Variants in LYPD6 observed in about 807,000 individuals in gnomAD.
The protein encoded by LYPD6 is LY6/PLAUR domain containing 6.
Under a neutral mutation model 22.7 loss-of-function variants are expected in LYPD6, and 15 were observed. The observed-to-expected ratio is 0.66, with a 90% CI of 0.44 to 1.02. The LOEUF (loss-of-function observed/expected upper bound fraction) is 1.02, where lower values mean the gene tolerates loss of function less well. Among genes scored for constraint, LYPD6 ranks in the 50% least tolerant of loss-of-function variants. The pLI is 0.00. For synonymous variants in LYPD6, 72 were observed against 77.5 expected, an observed-to-expected ratio of 0.93 and a Z score of 0.37; for missense variants, 189 against 208.4, an observed-to-expected ratio of 0.91 and a Z score of 0.57.
chr2:149,433,788 G>A (rs1185373576), intron 1 of LYPD6, among the ~76,000 whole-genome samples: 1 of 152,004 alleles, frequency 6.6e-6, no homozygotes. Context: ...CAGCCCTATG[G>A]CATTTTCCCC....
At chr2:149,432,598 C>G (rs1358590081) in intron 1 of LYPD6, among the ~76,000 whole-genome samples, 1 of 152,156 alleles carries the variant, frequency 6.6e-6, no homozygotes, top group Non-Finnish European at 1.5e-5. Flanking sequence ...ATGGGCTACA[C>G]CAAGGTGCAG....
intron 2 of LYPD6, chr2:149,439,853 T>C (rs1218610488): frequency 6.6e-6 from 1 of 152,248 alleles, no homozygotes; most frequent in African/African-American, 2.4e-5. Flanking sequence ...AAAGAATTAG[T>C]AGGGCTTCCT....
At chr2:149,426,268 A>G (rs1040960597) in intron 1 of LYPD6, among the ~76,000 whole-genome samples, 14 of 152,220 alleles carry the variant, frequency 9.2e-5, no homozygotes, top group Non-Finnish European at 7.3e-5. Context: ...TCAAAGGCCA[A>G]ATGGAAACAA....
intron 1 of LYPD6, among the ~76,000 whole-genome samples, chr2:149,363,062 G>A (rs751546302): frequency 1.3e-5 from 2 of 152,250 alleles, no homozygotes; most frequent in Admixed American, 6.5e-5. Flanking sequence ...CAGAGAGACC[G>A]TCCTGCTACT....
chr2:149,485,174 C>T, the LYPD6 span, among the ~76,000 whole-genome samples: 1 of 152,124 alleles, frequency 6.6e-6, no homozygotes, highest in East Asian at 1.9e-4. Flanking sequence ...ATGTTTACAT[C>T]TTGAGATGGA....
intron 1 of LYPD6, among the ~76,000 whole-genome samples, chr2:149,340,217 G>A (rs1173909422): frequency 6.6e-6 from 1 of 152,096 alleles, no homozygotes; most frequent in Non-Finnish European, 1.5e-5. Context: ...AGAGATAAAG[G>A]TTATTTTAAG....
At chr2:149,419,618 T>C (rs1023817855) in intron 1 of LYPD6, among the ~76,000 whole-genome samples, 1 of 152,206 alleles carries the variant, frequency 6.6e-6, no homozygotes. Context: ...TTCCTTTTGC[T>C]ACCCTTGTTA....
At chr2:149,330,318 C>T (rs1226079179), upstream of LYPD6, 1 of 151,864 alleles carries the variant, frequency 6.6e-6, no homozygotes. Context: ...GAGCGCGGCG[C>T]CCGGGTGCCC....
chr2:149,476,407 T>G (rs1047395337), downstream of LYPD6, among the ~76,000 whole-genome samples: 4 of 152,180 alleles, frequency 2.6e-5, no homozygotes, highest in African/African-American at 9.6e-5. Context: ...AATTAGACCT[T>G]ATCAGTTATT....
At chr2:149,397,906 A>G (rs1363569619) in intron 1 of LYPD6, among the ~76,000 whole-genome samples, 1 of 152,218 alleles carries the variant, frequency 6.6e-6, no homozygotes, top group Admixed American at 6.5e-5. Flanking sequence ...TAGAAAATAT[A>G]AGACAAGAAA....
intron 1 of LYPD6, among the ~76,000 whole-genome samples, chr2:149,338,888 A>T (rs12614856): frequency 0.23 from 34,219 of 152,042 alleles, 4,764 homozygotes; most frequent in East Asian, 0.57. Context: ...GAAGAACAGA[A>T]AATTTTATGT....
rs1444015624 is a variant in LYPD6 at position 149,459,517 on chromosome 2, T to C, written c.218-9128T>C. Among the ~76,000 whole-genome samples the C allele has an allele frequency of 2.0e-5, 3 of 152,256 alleles. No individual in the cohort carries two copies. The East Asian group carries it at 5.8e-4, about 29-fold the overall frequency. The stretch of plus-strand genomic sequence containing the variant: ...AGTACAACAGAATGTCCTTCTTCTC[T>C]TGAGTTTTCTGAATTATGTTTGACA... On this transcript the variant is annotated intron_variant, in intron 3 of 4. Transcript: ENST00000334166.
At chr2:149,386,007 C>G (rs977119016) in intron 1 of LYPD6, among the ~76,000 whole-genome samples, 2 of 152,054 alleles carry the variant, frequency 1.3e-5, no homozygotes, top group Non-Finnish European at 2.9e-5. Flanking sequence ...AGAATCCCCC[C>G]CCAAGACCTG....
At chr2:149,479,438 C>G in the LYPD6 span, among the ~76,000 whole-genome samples, 1 of 152,192 alleles carries the variant, frequency 6.6e-6, no homozygotes, top group Non-Finnish European at 1.5e-5. Context: ...CCCAAATTAT[C>G]TACTCAACAT....
At chr2:149,418,951 T>C (rs1211637558) in intron 1 of LYPD6, among the ~76,000 whole-genome samples, 1 of 152,232 alleles carries the variant, frequency 6.6e-6, no homozygotes, top group Non-Finnish European at 1.5e-5. Flanking sequence ...GAAACCAGGC[T>C]GCTTCAATTC....
At chr2:149,372,472 A>G (rs1252856856) in intron 1 of LYPD6, among the ~76,000 whole-genome samples, 3 of 152,156 alleles carry the variant, frequency 2.0e-5, no homozygotes, top group African/African-American at 7.2e-5. Flanking sequence ...TTAAATACTG[A>G]GGGACAATTC....
chr2:149,422,425 TG>T (rs571437028), intron 1 of LYPD6, among the ~76,000 whole-genome samples: 183 of 152,114 alleles, frequency 1.2e-3, no homozygotes, highest in Non-Finnish European at 1.6e-3. Flanking sequence ...TAATGGGGCC[TG>T]GGGTCTCTCT....
downstream of LYPD6, among the ~76,000 whole-genome samples, chr2:149,476,829 A>C (rs1270532573): frequency 6.6e-6 from 1 of 152,114 alleles, no homozygotes; most frequent in Non-Finnish European, 1.5e-5. Context: ...GGCGATGGCT[A>C]CTGGTCCAAC....
intron 2 of LYPD6, among the ~76,000 whole-genome samples, chr2:149,446,314 G>A (rs964040120): frequency 6.6e-6 from 1 of 152,140 alleles, no homozygotes; most frequent in Admixed American, 6.5e-5. Context: ...CATGAAGTGA[G>A]CACGTGCAAT....
Sources: gnomAD v4.1 joint callset for allele counts (sites outside exome capture counted in the v4.1 genomes callset) on GRCh38, gnomAD v4.1.1 for gene constraint, MANE v1.5 for transcripts, NCBI Gene and HGNC (gene_info 2026-07-23, HGNC 2026-07-21) for gene names.